CFAP210: variants seen among roughly 807,000 people sequenced by gnomAD.
The protein encoded by CFAP210 is cilia and flagella associated protein 210.
the CFAP210 span, among the ~76,000 whole-genome samples, chr2:169,660,621 T>G: frequency 6.7e-6 from 1 of 149,772 alleles, no homozygotes; most frequent in African/African-American, 2.5e-5. Flanking sequence ...TTTTTTTCTT[T>G]GAGACAGAGT....
chr2:169,653,011 AAAAAAAAAAAAAAAAAAAATATAT>A, the CFAP210 span, among the ~76,000 whole-genome samples: 1 of 55,244 alleles, frequency 1.8e-5, no homozygotes, highest in East Asian at 3.7e-4. Context: ...AAAAAAAAAA[AAAAAAAAAAAAAAAAAAAATATAT>A]ATATATATAT....
chr2:169,663,365 TAA>T, the CFAP210 span, among the ~76,000 whole-genome samples: 5 of 152,000 alleles, frequency 3.3e-5, no homozygotes, highest in African/African-American at 1.2e-4. Flanking sequence ...TTTCTTTCTT[TAA>T]AAAAATTTTT....
At chr2:169,692,062 T>C in the CFAP210 span, among the ~76,000 whole-genome samples, 1 of 152,226 alleles carries the variant, frequency 6.6e-6, no homozygotes, top group African/African-American at 2.4e-5. Context: ...AGGTAAGTCA[T>C]AGGTGAGAGG....
At chr2:169,678,705 T>C in the CFAP210 span, among the ~76,000 whole-genome samples, 2 of 151,222 alleles carry the variant, frequency 1.3e-5, no homozygotes, top group African/African-American at 4.9e-5. Flanking sequence ...CGGGCCTGTA[T>C]TCCCAGCTAC....
chr2:169,694,133 G>A, the CFAP210 span: 23 of 853,654 alleles, frequency 2.7e-5, no homozygotes, highest in Non-Finnish European at 3.5e-5. Flanking sequence ...TGCTTATTGA[G>A]GATGCTTTCG....
At chr2:169,658,326 T>C in the CFAP210 span, 1 of 152,524 alleles carries the variant, frequency 6.6e-6, no homozygotes, top group Non-Finnish European at 1.5e-5. Flanking sequence ...AAAAAAGTGA[T>C]AGTAGAAAAT....
chr2:169,694,318 A>T, the CFAP210 span: 6 of 1,613,912 alleles, frequency 3.7e-6, no homozygotes, highest in Non-Finnish European at 5.1e-6. Flanking sequence ...ATCTCTGACG[A>T]GGTGTCCATG....
At chr2:169,655,861 A>G in the CFAP210 span, among the ~76,000 whole-genome samples, 1 of 152,232 alleles carries the variant, frequency 6.6e-6, no homozygotes, top group Admixed American at 6.5e-5. Flanking sequence ...TTAATAGAAG[A>G]CTTAGAATAC....
chr2:169,693,034 A>G, the CFAP210 span, among the ~76,000 whole-genome samples: 2 of 152,262 alleles, frequency 1.3e-5, no homozygotes, highest in African/African-American at 4.8e-5. Context: ...CAGAGTTCTG[A>G]AAAAGTCGAT....
chr2:169,650,876 A>T, the CFAP210 span, among the ~76,000 whole-genome samples: 1 of 151,864 alleles, frequency 6.6e-6, no homozygotes, highest in Non-Finnish European at 1.5e-5. Flanking sequence ...AGGTGGTAGG[A>T]TCGCTTGAGC....
At chr2:169,679,526 A>C in the CFAP210 span, among the ~76,000 whole-genome samples, 1 of 151,924 alleles carries the variant, frequency 6.6e-6, no homozygotes, top group Non-Finnish European at 1.5e-5. Flanking sequence ...AATAAAATAC[A>C]AAAAATTAGC....
chr2:169,649,988 GAT>G, the CFAP210 span, among the ~76,000 whole-genome samples: 338 of 151,858 alleles, frequency 2.2e-3, no homozygotes, highest in African/African-American at 7.8e-3. Context: ...AGTCATGTAA[GAT>G]ATGTTTTAAA....
chr2:169,681,181 G>C, the CFAP210 span: 1 of 1,613,832 alleles, frequency 6.2e-7, no homozygotes, highest in Non-Finnish European at 8.5e-7. Context: ...GATCTACTTT[G>C]CTAGGTAGAA....
the CFAP210 span, among the ~76,000 whole-genome samples, chr2:169,685,521 T>A: frequency 1.2e-4 from 19 of 152,326 alleles, no homozygotes; most frequent in Non-Finnish European, 2.5e-4. Flanking sequence ...AGCATATATA[T>A]AATTTACAAA....
At chr2:169,657,379 A>G in the CFAP210 span, among the ~76,000 whole-genome samples, 1 of 152,174 alleles carries the variant, frequency 6.6e-6, no homozygotes, top group Non-Finnish European at 1.5e-5. Context: ...CACCAGAGAT[A>G]AAGACAGGAC....
chr2:169,673,859 T>G, the CFAP210 span, among the ~76,000 whole-genome samples: 1 of 152,172 alleles, frequency 6.6e-6, no homozygotes, highest in Non-Finnish European at 1.5e-5. Context: ...TGAATGCAAA[T>G]TTTATTTCAA....
the CFAP210 span, among the ~76,000 whole-genome samples, chr2:169,687,851 ATG>A: frequency 6.6e-6 from 1 of 152,088 alleles, no homozygotes; most frequent in Non-Finnish European, 1.5e-5. Flanking sequence ...GAGGTTCTCC[ATG>A]AGGGCCCTGC....
chr2:169,653,524 C>A, the CFAP210 span, among the ~76,000 whole-genome samples: 1 of 152,030 alleles, frequency 6.6e-6, no homozygotes, highest in Non-Finnish European at 1.5e-5. Flanking sequence ...CCTACTCTTA[C>A]CTCTACACCC....
the CFAP210 span, among the ~76,000 whole-genome samples, chr2:169,688,425 T>G: frequency 3.3e-5 from 5 of 152,362 alleles, no homozygotes; most frequent in African/African-American, 1.2e-4. Flanking sequence ...GCTTAGAAAT[T>G]TCTTCTGCCA....
Sources: gnomAD v4.1 joint callset for allele counts (sites outside exome capture counted in the v4.1 genomes callset) on GRCh38, gnomAD v4.1.1 for gene constraint, MANE v1.5 for transcripts, NCBI Gene and HGNC (gene_info 2026-07-23, HGNC 2026-07-21) for gene names.